Variants in CACNB2 observed in about 807,000 individuals in gnomAD.
The protein encoded by CACNB2 is voltage-dependent L-type calcium channel subunit beta-2.
In CACNB2, 42 loss-of-function variants were observed where a neutral mutation model predicts 73.3. The observed-to-expected ratio is 0.57, with a 90% confidence interval of 0.45 to 0.74. The LOEUF (loss-of-function observed/expected upper bound fraction) is 0.74, where lower values mean the gene tolerates loss of function less well. Among genes scored for constraint, CACNB2 ranks in the 30% least tolerant of loss-of-function variants. The pLI is 0.00. For missense variants in CACNB2, 940 were observed against 853.0 expected (o/e 1.10, Z -1.27); for synonymous variants, 348 against 310.3 (o/e 1.12, Z -1.28).
At chr10:18,462,672 G>A (rs376197302) in intron 3 of CACNB2, among the ~76,000 whole-genome samples, 2 of 151,918 alleles carry the variant, frequency 1.3e-5, no homozygotes, top group African/African-American at 4.8e-5. Flanking sequence ...AGTATTTTTA[G>A]CATCTCTTTT....
intron 3 of CACNB2, among the ~76,000 whole-genome samples, chr10:18,459,252 A>G (rs2047440031): frequency 6.6e-6 from 1 of 152,228 alleles, no homozygotes; most frequent in Non-Finnish European, 1.5e-5. Context: ...TCCTAATGAC[A>G]CTAGAAACAT....
chr10:18,272,332 T>C (rs2038089068), intron 2 of CACNB2, among the ~76,000 whole-genome samples: 1 of 152,194 alleles, frequency 6.6e-6, no homozygotes, highest in Non-Finnish European at 1.5e-5. Context: ...AAGAATCTAC[T>C]TGGAAGATGT....
intron 2 of CACNB2, among the ~76,000 whole-genome samples, chr10:18,368,861 T>A (rs1448056677): frequency 6.6e-6 from 1 of 152,046 alleles, no homozygotes. Context: ...AAGTATGTAA[T>A]CATGTTAAAC....
chr10:18,341,755 A>G (rs566123335), intron 2 of CACNB2, among the ~76,000 whole-genome samples: 1 of 152,300 alleles, frequency 6.6e-6, no homozygotes, highest in African/African-American at 2.4e-5. Context: ...AATTGTTCCA[A>G]CCTATACTAA....
At chr10:18,195,721 G>T (rs185837831) in intron 2 of CACNB2, among the ~76,000 whole-genome samples, 2 of 152,170 alleles carry the variant, frequency 1.3e-5, no homozygotes, top group Non-Finnish European at 2.9e-5. Flanking sequence ...GTTGATAAGT[G>T]GTGGGGCTCA....
At chr10:18,534,006 A>G (rs1243586575) in intron 10 of CACNB2, 70 bp from the exon 11 acceptor site, 2 of 1,482,202 alleles carry the variant, frequency 1.3e-6, no homozygotes, top group East Asian at 4.5e-5. Flanking sequence ...TTTCTGTTGA[A>G]GAAACAGTAT....
At chr10:18,379,752 TCA>T (rs778402648) in intron 2 of CACNB2, among the ~76,000 whole-genome samples, 3 of 152,168 alleles carry the variant, frequency 2.0e-5, no homozygotes, top group Non-Finnish European at 2.9e-5. Flanking sequence ...AGTGATGCGA[TCA>T]TAGCACACTA....
At chr10:18,510,701 A>T (rs1313174094) in intron 6 of CACNB2, among the ~76,000 whole-genome samples, 1 of 152,206 alleles carries the variant, frequency 6.6e-6, no homozygotes, top group Non-Finnish European at 1.5e-5. Flanking sequence ...TGACTGTCCA[A>T]GGGTCCTGTA....
intron 3 of CACNB2, among the ~76,000 whole-genome samples, chr10:18,496,185 C>CAAAAA (rs57139534): frequency 0.027 from 2,235 of 83,738 alleles, 158 homozygotes; most frequent in African/African-American, 0.093. Flanking sequence ...GACTCAGTCT[C>CAAAAA]AAAAAAAAAA....
chr10:18,455,902 C>A (rs1223708145), intron 3 of CACNB2, among the ~76,000 whole-genome samples: 3 of 152,184 alleles, frequency 2.0e-5, no homozygotes, highest in Non-Finnish European at 4.4e-5. Flanking sequence ...CATGGCCTAG[C>A]TTGATGGTCC....
intron 2 of CACNB2, among the ~76,000 whole-genome samples, chr10:18,321,399 G>A (rs2040391784): frequency 6.6e-6 from 1 of 152,100 alleles, no homozygotes; most frequent in Non-Finnish European, 1.5e-5. Flanking sequence ...GCTACCAGAA[G>A]TATGACAAAT....
intron 1 of CACNB2, among the ~76,000 whole-genome samples, chr10:18,149,400 G>A (rs1269953453): frequency 1.3e-5 from 2 of 152,152 alleles, no homozygotes; most frequent in African/African-American, 4.8e-5. Context: ...AAAGACCAGC[G>A]TAGCTTTCTT....
At chr10:18,514,834 T>C (rs1411146570) in intron 7 of CACNB2, 1 of 710,256 alleles carries the variant, frequency 1.4e-6, no homozygotes, top group Non-Finnish European at 2.5e-6. Flanking sequence ...TCTATCTCTT[T>C]CTTTTATCCA....
intron 3 of CACNB2, among the ~76,000 whole-genome samples, chr10:18,418,157 C>G (rs1201358236): frequency 6.6e-6 from 1 of 152,186 alleles, no homozygotes; most frequent in Non-Finnish European, 1.5e-5. Context: ...TCACTGCAAC[C>G]TCTGCCTCCC....
intron 2 of CACNB2, among the ~76,000 whole-genome samples, chr10:18,210,445 T>G (rs1191881899): frequency 6.6e-6 from 1 of 152,104 alleles, no homozygotes; most frequent in Non-Finnish European, 1.5e-5. Flanking sequence ...TTTTTTCCCA[T>G]AGGCCTTAGA....
intron 2 of CACNB2, among the ~76,000 whole-genome samples, chr10:18,262,717 T>A (rs896457033): frequency 6.6e-6 from 1 of 152,208 alleles, no homozygotes; most frequent in African/African-American, 2.4e-5. Context: ...TGAGAATTTC[T>A]TAGCTTTCTG....
chr10:18,171,893 T>C (rs61844177), intron 2 of CACNB2, among the ~76,000 whole-genome samples: 50,383 of 151,742 alleles, frequency 0.33, 8,467 homozygotes, highest in Middle Eastern at 0.35. Flanking sequence ...GCCCCTCACC[T>C]CCCACCCCAC....
intron 1 of CACNB2, among the ~76,000 whole-genome samples, chr10:18,142,478 A>T (rs2030521092): frequency 6.6e-6 from 1 of 152,202 alleles, no homozygotes; most frequent in Non-Finnish European, 1.5e-5. Flanking sequence ...AGAATGAAAA[A>T]TGTACCCGGA....
intron 3 of CACNB2, among the ~76,000 whole-genome samples, chr10:18,423,790 T>C (rs1288701618): frequency 6.6e-6 from 1 of 152,288 alleles, no homozygotes; most frequent in Non-Finnish European, 1.5e-5. Context: ...TTTTGTAATA[T>C]GGGAATACAG....
Sources: gnomAD v4.1 joint callset for allele counts (sites outside exome capture counted in the v4.1 genomes callset) on GRCh38, gnomAD v4.1.1 for gene constraint, MANE v1.5 for transcripts, NCBI Gene and HGNC (gene_info 2026-07-23, HGNC 2026-07-21) for gene names.